RCSD1: variants seen among roughly 807,000 people sequenced by gnomAD.
RCSD1 encodes the protein capZ-interacting protein.
In RCSD1, 26 loss-of-function variants were observed where a neutral mutation model predicts 42.5. That is an observed-to-expected ratio of 0.61 (90% CI 0.45 to 0.85). RCSD1 has a LOEUF of 0.85. Ranked by LOEUF, RCSD1 falls within the 40% of genes least tolerant of loss-of-function variation. The probability of loss-of-function intolerance (pLI) is 0.00; values close to 1 mark genes in which losing one functional copy is unlikely to be tolerated. For missense variants in RCSD1, 571 were observed against 528.3 expected (o/e 1.08, Z -0.79); for synonymous variants, 220 against 212.2 (o/e 1.04, Z -0.32).
In RCSD1 at chr1:167,634,939, AGAGTGTGT is replaced by A. The variant is rs991367574; in HGVS notation, c.6+4512_6+4519del. On this transcript the variant is annotated intron_variant, in intron 1 of 6. Transcript: ENST00000367854. ...ACAGACTGTCAGTATTACTATGATG[AGAGTGTGT>A]GTGTGTGTGTGTGTGTGTGTGTGTA... 2.0e-4 allele frequency among the ~76,000 whole-genome samples: 15 copies of A among 74,566 alleles called. No individual in the cohort carries two copies. In the East Asian group the frequency reaches 2.3e-3, roughly 11 times the overall value. The allele number at this position is 74,566 out of a possible 152,430, so 48.9% of individuals were successfully genotyped here.
In RCSD1 at chr1:167,694,328, G is replaced by A. The variant is rs111841092; in HGVS notation, c.474+26G>A. ...GTAAATTCTAGCTCCAGATTATGGC[G>A]GTGTGTCTGTGGAAATGTGGGCACT... On this transcript the variant is annotated intron_variant, in intron 5 of 6. Coordinates refer to ENST00000367854, the MANE Select transcript of RCSD1 (RefSeq NM_052862.4). The A allele has an allele frequency of 1.6e-4, 250 of 1,602,454 alleles. 1 individual carries two copies. The African/African-American group carries it at 1.7e-3, about 11-fold the overall frequency.
At chr1:167,662,647 T>A (rs1215779555) in intron 1 of RCSD1, among the ~76,000 whole-genome samples, 2 of 152,224 alleles carry the variant, frequency 1.3e-5, no homozygotes, top group Admixed American at 6.5e-5. Flanking sequence ...TAATTTGGAA[T>A]AAAAGGACCG....
chr1:167,681,832 CCT>C (rs1048947000), intron 1 of RCSD1, among the ~76,000 whole-genome samples: 4 of 152,180 alleles, frequency 2.6e-5, no homozygotes, highest in African/African-American at 9.7e-5. Context: ...TGTCCCCAAG[CCT>C]CTCTCTCGTT....
chr1:167,654,171 G>C (rs1658371593), intron 1 of RCSD1, among the ~76,000 whole-genome samples: 1 of 152,230 alleles, frequency 6.6e-6, no homozygotes, highest in South Asian at 2.1e-4. Flanking sequence ...TATTGAGGAA[G>C]TGTTACTGTT....
chr1:167,701,536 C>T (rs974285659), intron 6 of RCSD1, among the ~76,000 whole-genome samples: 4 of 152,074 alleles, frequency 2.6e-5, no homozygotes, highest in South Asian at 2.1e-4. Flanking sequence ...ACACTCCTGA[C>T]CTCAAGTGAT....
chr1:167,678,254 C>T (rs1211718371), intron 1 of RCSD1, among the ~76,000 whole-genome samples: 1 of 152,158 alleles, frequency 6.6e-6, no homozygotes, highest in African/African-American at 2.4e-5. Flanking sequence ...TTGTTTCTGG[C>T]CTGAAACACT....
In RCSD1 at chr1:167,705,205, C is replaced by T. The variant is rs539076677; in HGVS notation, c.*509C>T. The T allele has an allele frequency of 6.5e-6, 1 of 152,688 alleles. No individual in the cohort carries two copies. Among genetic ancestry groups the T allele is most frequent in the African/African-American group, 2.4e-5 (1 of 41,398 alleles). 9.5% of individuals were successfully genotyped at this position (152,688 alleles called of 1,614,324 possible). A position where few individuals can be genotyped will look rare whatever the true frequency, so the allele number is the denominator to read the frequency against. On this transcript the variant is annotated 3_prime_UTR_variant, in exon 7 of 7. Transcript: ENST00000367854. ...GTGGCCATAAACATAAAATAGAAAC[C>T]CTGTAAGTTACAGAAGACCCTAAAT...
intron 1 of RCSD1, among the ~76,000 whole-genome samples, chr1:167,666,771 C>T (rs975500317): frequency 5.3e-5 from 8 of 152,238 alleles, no homozygotes; most frequent in African/African-American, 1.9e-4. Flanking sequence ...CTGCTTTGCT[C>T]TGTAAAACCT....
intron 1 of RCSD1, among the ~76,000 whole-genome samples, chr1:167,634,220 T>C (rs1571663861): frequency 6.6e-6 from 1 of 152,330 alleles, no homozygotes; most frequent in East Asian, 1.9e-4. Context: ...TTCAAGCCAC[T>C]ATTAGAACAC....
chr1:167,678,304 C>A (rs530460598), intron 1 of RCSD1, among the ~76,000 whole-genome samples: 1 of 152,308 alleles, frequency 6.6e-6, no homozygotes, highest in Admixed American at 6.5e-5. Context: ...CAACCTCCTG[C>A]ATTGCATCTC....
At chr1:167,660,195 A>G (rs2102213367) in intron 1 of RCSD1, among the ~76,000 whole-genome samples, 1 of 152,286 alleles carries the variant, frequency 6.6e-6, no homozygotes, top group Middle Eastern at 3.4e-3. Flanking sequence ...AAGCGTTCCT[A>G]TCCTCACTTT....
chr1:167,698,831 G>T (rs1199838499), intron 6 of RCSD1, among the ~76,000 whole-genome samples: 2 of 150,740 alleles, frequency 1.3e-5, no homozygotes, highest in East Asian at 1.9e-4. Context: ...AAGGAGTCTC[G>T]CTGTGTCGCC....
intron 1 of RCSD1, among the ~76,000 whole-genome samples, chr1:167,667,960 C>G (rs575937392): frequency 6.6e-6 from 1 of 152,060 alleles, no homozygotes; most frequent in Non-Finnish European, 1.5e-5. Flanking sequence ...TCAGCAATTA[C>G]AGTAGAAAGA....
intron 1 of RCSD1, among the ~76,000 whole-genome samples, chr1:167,672,846 C>G (rs1658844070): frequency 1.3e-5 from 2 of 152,208 alleles, no homozygotes; most frequent in African/African-American, 4.8e-5. Flanking sequence ...TGTCCCTGTT[C>G]CACAGTAGGC....
At chr1:167,641,405 G>A (rs904904843) in intron 1 of RCSD1, 8 of 152,052 alleles carry the variant, frequency 5.3e-5, no homozygotes, top group African/African-American at 1.2e-4. Flanking sequence ...GCACCAAGAC[G>A]CTACCAAATG....
rs1254697190 is a variant in RCSD1, at chr1:167,675,145, GC to G, written c.7-8754del. Among the ~76,000 whole-genome samples, 3 of 146,878 alleles carry G rather than the reference GC, an allele frequency of 2.0e-5. No individual in the cohort carries two copies. The East Asian group carries it at 6.0e-4, about 29-fold the overall frequency. ...TGCTTGAACCCAGGAGGTGGAGGTT[GC>G]AGTGAGCCGAGATCTCACCACTGCA... On this transcript the variant is annotated intron_variant, in intron 1 of 6. Transcript: ENST00000367854.
chr1:167,669,663 TATC>T (rs1481135092), intron 1 of RCSD1, among the ~76,000 whole-genome samples: 1 of 152,234 alleles, frequency 6.6e-6, no homozygotes, highest in Non-Finnish European at 1.5e-5. Context: ...ACTGAATTAT[TATC>T]ATTGATTTCT....
intron 1 of RCSD1, among the ~76,000 whole-genome samples, chr1:167,674,934 C>T (rs148481661): frequency 0.02 from 3,049 of 152,132 alleles, 47 homozygotes; most frequent in Middle Eastern, 0.044. Flanking sequence ...CAGCCGGGTG[C>T]GGTGGCTCAC....
intron 1 of RCSD1, among the ~76,000 whole-genome samples, chr1:167,659,744 C>T (rs1220553877): frequency 1.3e-5 from 2 of 152,170 alleles, no homozygotes; most frequent in Non-Finnish European, 2.9e-5. Context: ...CCCCCTCCCC[C>T]ATTTGCTCCT....
Sources: allele counts gnomAD v4.1 joint callset (sites outside exome capture counted in the v4.1 genomes callset), GRCh38; gene constraint gnomAD v4.1.1; transcripts MANE v1.5; gene names NCBI Gene and HGNC (gene_info 2026-07-23, HGNC 2026-07-21).